NPRL3: variants seen among roughly 807,000 people sequenced by gnomAD.
NPRL3 encodes the protein NPR3 like, GATOR1 complex subunit, also known as GATOR1 complex protein NPRL3.
Under a neutral mutation model 57.2 loss-of-function variants are expected in NPRL3, and 23 were observed. The observed-to-expected ratio is 0.40, with a 90% CI of 0.29 to 0.57. The LOEUF (loss-of-function observed/expected upper bound fraction) is 0.57, where lower values mean the gene tolerates loss of function less well. NPRL3 is among the 20% of genes least tolerant of loss of function. The pLI is 0.42. For missense variants in NPRL3, 691 were observed against 767.1 expected (o/e 0.90, Z 1.17); for synonymous variants, 333 against 321.1 (o/e 1.04, Z -0.39).
At chr16:93,401 G>C in intron 9 of NPRL3, 76 bp from the exon 10 acceptor site, 1 of 947,866 alleles carries the variant, frequency 1.1e-6, no homozygotes, top group Non-Finnish European at 1.7e-6. Flanking sequence ...TCTCAGCCTG[G>C]GTGGCCATGG....
At chr16:94,277 A>G (rs1471062604) in intron 9 of NPRL3, among the ~76,000 whole-genome samples, 1 of 152,172 alleles carries the variant, frequency 6.6e-6, no homozygotes, top group African/African-American at 2.4e-5. Context: ...CTGAGAGCAC[A>G]GCACCCCAGC....
At chr16:111,100 T>C (rs552779307) in intron 6 of NPRL3, among the ~76,000 whole-genome samples, 13 of 152,186 alleles carry the variant, frequency 8.5e-5, no homozygotes, top group African/African-American at 3.1e-4. Flanking sequence ...CAGAAACATA[T>C]TATAAATTTT....
intron 7 of NPRL3, among the ~76,000 whole-genome samples, chr16:107,586 T>G (rs1899590427): frequency 1.0e-5 from 1 of 97,452 alleles, no homozygotes; most frequent in African/African-American, 4.4e-5. Flanking sequence ...CAGAAGGATA[T>G]TCCATCTCAA....
Position 85,516 on chromosome 16 carries a change from C to G in NPRL3, c.*1189G>C. On this transcript the variant is annotated 3_prime_UTR_variant, in exon 14 of 14. Coordinates refer to ENST00000611875, the MANE Select transcript of NPRL3 (RefSeq NM_001077350.3). ...CCGCCAGCCGTGTCCTCAAGGACCG[C>G]GAGCTCTGCAGTGGCCCCTCCAAGC... 2 of 1,613,358 alleles carry G rather than the reference C, an allele frequency of 1.2e-6. No homozygotes were observed. Among genetic ancestry groups the G allele is most frequent in the Non-Finnish European group, 1.7e-6 (2 of 1,180,042 alleles).
intron 3 of NPRL3, among the ~76,000 whole-genome samples, chr16:119,739 C>T (rs1900205254): frequency 6.6e-6 from 1 of 152,268 alleles, no homozygotes; most frequent in South Asian, 2.1e-4. Context: ...GGACAGTGCA[C>T]AGGGATGCGT....
chr16:129,808 G>T (rs1294455902), intron 3 of NPRL3, among the ~76,000 whole-genome samples: 2 of 152,190 alleles, frequency 1.3e-5, no homozygotes, highest in Non-Finnish European at 2.9e-5. Context: ...GACAGTGGAA[G>T]CCAAGTCCTT....
intron 2 of NPRL3, among the ~76,000 whole-genome samples, chr16:137,551 CTTT>C (rs72083020): frequency 4.2e-5 from 6 of 141,808 alleles, no homozygotes; most frequent in African/African-American, 1.0e-4. Flanking sequence ...GTTCACGTAA[CTTT>C]TTTTTTTTTT....
chr16:89,679 C>T (rs1190862683), intron 12 of NPRL3, 34 bp downstream of exon 12: 1 of 1,496,728 alleles, frequency 6.7e-7, no homozygotes, highest in Non-Finnish European at 8.8e-7. Flanking sequence ...AAGCGTCTCC[C>T]CTGACTACCA....
chr16:124,915 T>C (rs976108936), intron 3 of NPRL3: 1 of 152,258 alleles, frequency 6.6e-6, no homozygotes, highest in Non-Finnish European at 1.5e-5. Flanking sequence ...TGTCTCTACT[T>C]AAAAAGAAAA....
chr16:113,622 T>G (rs942081053), intron 5 of NPRL3, among the ~76,000 whole-genome samples: 2 of 152,180 alleles, frequency 1.3e-5, no homozygotes, highest in African/African-American at 4.8e-5. Flanking sequence ...GGGCCAACCA[T>G]GACTCAGTGC....
chr16:105,438 C>T (rs1416220957), intron 7 of NPRL3, among the ~76,000 whole-genome samples: 1 of 152,146 alleles, frequency 6.6e-6, no homozygotes, highest in East Asian at 1.9e-4. Context: ...TATGTGGGTT[C>T]CAAACAGCCT....
chr16:92,911 C>T, intron 10 of NPRL3, 186 bp from the exon 11 acceptor site: 2 of 682,572 alleles, frequency 2.9e-6, no homozygotes, highest in Non-Finnish European at 5.0e-6. Flanking sequence ...CCTTGAGCAG[C>T]AGCAGGAGCC....
At chr16:124,796 G>T (rs1302219234) in intron 3 of NPRL3, 2 of 152,192 alleles carry the variant, frequency 1.3e-5, no homozygotes, top group African/African-American at 4.8e-5. Context: ...TTACTTTCTG[G>T]CTAGGCACGA....
At position 100,445 on chromosome 16, in the gene NPRL3, G is replaced by C. The variant is rs1355924031; in HGVS notation, c.694C>G (p.Pro232Ala). Residue 232 changes from proline to alanine, a missense_variant, in exon 8 of 14, where the codon CCC becomes GCC. Pro to Ala is a conservative substitution (Grantham distance 27, BLOSUM62 -1). Coordinates refer to ENST00000611875, the MANE Select transcript of NPRL3 (RefSeq NM_001077350.3). The stretch of plus-strand genomic sequence containing the variant: ...GAGGCCGCATAGTGGATCTTGTGGG[G>C]CAGGCAGAAGCTCACCTCCAGCCAG... Reference protein sequence around the residue: ...NSWLEVSFCLPHKIHYAASSL... With the variant: ...NSWLEVSFCLAHKIHYAASSL... 6.2e-7 allele frequency: 1 copy of C among 1,605,746 alleles called. No homozygotes were observed. The highest frequency in any genetic ancestry group is 1.1e-5 in the South Asian group (1 of 89,622).
At chr16:129,923 T>G (rs962542665) in intron 3 of NPRL3, among the ~76,000 whole-genome samples, 3 of 152,114 alleles carry the variant, frequency 2.0e-5, no homozygotes, top group Non-Finnish European at 2.9e-5. Context: ...TGCTTCAAAA[T>G]GAACAGAAGG....
intron 3 of NPRL3, among the ~76,000 whole-genome samples, chr16:128,284 C>T (rs1900634232): frequency 6.6e-6 from 1 of 152,210 alleles, no homozygotes; most frequent in South Asian, 2.1e-4. Flanking sequence ...GACATCTGGC[C>T]TATTTCAGTT....
chr16:96,927 GAGTC>G (rs1899034262), intron 9 of NPRL3, among the ~76,000 whole-genome samples: 1 of 150,658 alleles, frequency 6.6e-6, no homozygotes, highest in African/African-American at 2.5e-5. Context: ...AGTGGCCTGA[GAGTC>G]AGGCCTTGTT....
In NPRL3 at chr16:86,630, C is replaced by T. The variant is rs114328109; in HGVS notation, c.*75G>A. ...GGGCCAAGAGGGCTCAGCCTCAGCA[C>T]GGGGGGAGCCCTGGGGTGGGGAGAC... On this transcript the variant is annotated 3_prime_UTR_variant, in exon 14 of 14. Coordinates refer to ENST00000611875, the MANE Select transcript of NPRL3 (RefSeq NM_001077350.3). The T allele has an allele frequency of 8.7e-4, 1,239 of 1,430,440 alleles. 8 individuals carry two copies. In the African/African-American group the frequency reaches 0.016, roughly 18 times the overall value. The allele number at this position is 1,430,440 out of a possible 1,614,324, so 88.6% of individuals were successfully genotyped here.
In NPRL3 at chr16:89,768, G is replaced by T. The variant is rs1474098366; in HGVS notation, c.1296C>A (p.Ala432=). ...TGCTGAGGCTGCGACCGCCGACCCG[G>T]GCAGTGAAGGGGACGTCGTCCTCTC... The part of the protein sequence containing the change: ...RPREDDVPFT[A]RVGGRSLSTP... The change falls in exon 12 of 14, where the codon GCC becomes GCA. Residue 432 remains alanine (A), a synonymous_variant. Transcript: ENST00000611875. The T allele has an allele frequency of 6.3e-7, 1 of 1,599,808 alleles. No homozygotes were observed. Among genetic ancestry groups the T allele is most frequent in the Non-Finnish European group, 8.5e-7 (1 of 1,174,960 alleles).
Sources: gnomAD v4.1 joint callset for allele counts (sites outside exome capture counted in the v4.1 genomes callset) on GRCh38, gnomAD v4.1.1 for gene constraint, MANE v1.5 for transcripts, NCBI Gene and HGNC (gene_info 2026-07-23, HGNC 2026-07-21) for gene names.